The following KIT variants were observed in gnomAD, a reference collection of about 807,000 sequenced individuals.
KIT encodes mast/stem cell growth factor receptor Kit.
Under a neutral mutation model 105.7 loss-of-function variants are expected in KIT, and 16 were observed. That is an observed-to-expected ratio of 0.15 (90% CI 0.10 to 0.23). The LOEUF is 0.23. Among genes scored for constraint, KIT ranks in the 10% least tolerant of loss-of-function variants. The probability of loss-of-function intolerance (pLI) is 1.00; values close to 1 mark genes in which losing one functional copy is unlikely to be tolerated. For synonymous variants in KIT, 438 were observed against 441.1 expected (o/e 0.99, Z 0.09); for missense variants, 858 against 1,213.8 (o/e 0.71, Z 4.36).
At chr4:54,658,156 A>T in intron 1 of KIT, 75 bp downstream of exon 1, 1 of 1,444,416 alleles carries the variant, frequency 6.9e-7, no homozygotes, top group South Asian at 1.1e-5. Context: ...GGTACCCGCC[A>T]GGGTGCATCC....
Position 54,682,855 on chromosome 4 carries a change from G to A in KIT, c.68-12657G>A, listed in dbSNP as rs545356921. 4.6e-5 allele frequency among the ~76,000 whole-genome samples: 7 copies of A among 151,238 alleles called. No individual in the cohort carries two copies. The South Asian group carries it at 1.5e-3, about 32-fold the overall frequency. ...CAACCTCTGCCTCCCTGGTTCAAAC[G>A]ATTCTTGTGCCTCAGCCTCCTGAGT... is the stretch of plus-strand genomic sequence containing the variant. On this transcript the variant is annotated intron_variant, in intron 1 of 20. Transcript: ENST00000288135.
At chr4:54,728,268 C>A in intron 13 of KIT, 147 bp downstream of exon 13, 1 of 716,226 alleles carries the variant, frequency 1.4e-6, no homozygotes, top group Non-Finnish European at 2.5e-6. Flanking sequence ...TTTTGTTTTC[C>A]TCATTGTTCT....
At chr4:54,707,447 T>G (rs1720864191) in intron 6 of KIT, among the ~76,000 whole-genome samples, 160 bp downstream of exon 6, 1 of 152,184 alleles carries the variant, frequency 6.6e-6, no homozygotes, top group Admixed American at 6.5e-5. Context: ...TTCCATTTTG[T>G]TGTGTGTTTA....
At chr4:54,679,271 A>G (rs1340435117) in intron 1 of KIT, among the ~76,000 whole-genome samples, 2 of 151,982 alleles carry the variant, frequency 1.3e-5, no homozygotes, top group African/African-American at 4.8e-5. Flanking sequence ...GTTTCTACCA[A>G]CTCCAGAGAG....
chr4:54,658,097 T>C lies in KIT; in HGVS notation c.67+16T>C, dbSNP rs753439592. 2 of 1,613,290 alleles carry C rather than the reference T, an allele frequency of 1.2e-6. No individual in the cohort carries two copies. Among genetic ancestry groups the C allele is most frequent in the South Asian group, 1.1e-5 (1 of 91,072 alleles). ...GTCCAGACAGGTGGGACACCGCGGC[T>C]GGCACCCCGACCGTGCGACTACTCG... On this transcript the variant is annotated intron_variant, in intron 1 of 20. Coordinates refer to ENST00000288135, the MANE Select transcript of KIT (RefSeq NM_000222.3).
At chr4:54,678,208 G>GAAGCTTTT (rs1718622245) in intron 1 of KIT, among the ~76,000 whole-genome samples, 1 of 152,110 alleles carries the variant, frequency 6.6e-6, no homozygotes, top group African/African-American at 2.4e-5. Flanking sequence ...TTTGTGCTTT[G>GAAGCTTTT]ATAACCTATG....
rs143520969 is a variant in KIT, at chr4:54,679,927, G to A, written c.68-15585G>A. Among the ~76,000 whole-genome samples the A allele has an allele frequency of 1.3e-3, 198 of 152,320 alleles. 2 individuals carry two copies. The highest frequency in any genetic ancestry group is 4.6e-3 in the African/African-American group (191 of 41,574). ...AGCAAGAGACAAAAGGACAAATAGT[G>A]TGTGATTCCACTTATATGAGGTACC... is the stretch of plus-strand genomic sequence containing the variant. On this transcript the variant is annotated intron_variant, in intron 1 of 20. Transcript: ENST00000288135.
rs1480687968 is a variant in KIT at position 54,739,502 on chromosome 4, A to T, written c.*945A>T. On this transcript the variant is annotated 3_prime_UTR_variant, in exon 21 of 21. Coordinates refer to ENST00000288135, the MANE Select transcript of KIT (RefSeq NM_000222.3). ...TTCAGAATGGCATTGTACTCAATGG[A>T]TTTGATGCTGTTTGACAAAGTTACT... 6 of 233,398 alleles carry T rather than the reference A, an allele frequency of 2.6e-5. No homozygotes were observed. The highest frequency in any genetic ancestry group is 5.1e-5 in the Non-Finnish European group (6 of 117,910). 14.5% of individuals were successfully genotyped at this position (233,398 alleles called of 1,614,324 possible).
In KIT at chr4:54,695,695, C is replaced by A. The variant is rs201872586; in HGVS notation, c.251C>A (p.Thr84Lys). ...GAGAATAAGCAGAATGAATGGATCA[C>A]GGAAAAGGCAGAAGCCACCAACACC... ...TNENKQNEWI[T>K]EKAEATNTGK... The change falls in exon 2 of 21, where the codon ACG becomes AAG. Residue 84 changes from threonine to lysine, a missense_variant. Thr to Lys is a moderately conservative substitution (Grantham distance 78, BLOSUM62 -1). Transcript: ENST00000288135. 6.2e-7 allele frequency: 1 copy of A among 1,614,078 alleles called. No homozygotes were observed. The highest frequency in any genetic ancestry group is 8.5e-7 in the Non-Finnish European group (1 of 1,180,044).
rs367739763 is a variant in KIT at position 54,727,210 on chromosome 4, C to T, written c.1541-8C>T. 1.7e-5 allele frequency: 28 copies of T among 1,612,514 alleles called. No homozygotes were observed. In the African/African-American group the frequency reaches 3.5e-4, roughly 20 times the overall value. On this transcript the variant is annotated splice_polypyrimidine_tract_variant and splice_region_variant and intron_variant, in intron 9 of 20. Coordinates refer to ENST00000288135, the MANE Select transcript of KIT (RefSeq NM_000222.3). ...AGTTTGTGATTCCACATTTCTCTTC[C>T]ATTGTAGAGCAAATCCATCCCCACA...
At chr4:54,714,079 CT>C (rs1449985879) in intron 7 of KIT, among the ~76,000 whole-genome samples, 2 of 152,292 alleles carry the variant, frequency 1.3e-5, no homozygotes, top group East Asian at 3.9e-4. Context: ...CTCTAATTAA[CT>C]TTTGGAATTG....
chr4:54,663,813 C>A lies in KIT; in HGVS notation c.67+5732C>A, dbSNP rs897189639. Among the ~76,000 whole-genome samples the A allele has an allele frequency of 7.0e-4, 107 of 152,106 alleles. 1 individual carries two copies. The highest frequency in any genetic ancestry group is 2.5e-3 in the African/African-American group (105 of 41,408). The stretch of plus-strand genomic sequence containing the variant: ...GTCCATTGCCCCAGGCTAGACACAG[C>A]GGTTAGTGTTCAGTAAGTATTAGTT... On this transcript the variant is annotated intron_variant, in intron 1 of 20. Transcript: ENST00000288135.
At chr4:54,687,294 C>G (rs889571655) in intron 1 of KIT, among the ~76,000 whole-genome samples, 1 of 151,904 alleles carries the variant, frequency 6.6e-6, no homozygotes, top group Non-Finnish European at 1.5e-5. Flanking sequence ...AGAAATTAGC[C>G]GGGTATGGTT....
rs1720827630 is a variant in KIT at position 54,706,953 on chromosome 4, T to C, written c.926-145T>C. The C allele has an allele frequency of 4.9e-6, 3 of 606,152 alleles. No homozygotes were observed. The South Asian group carries it at 6.1e-5, about 12-fold the overall frequency. 37.5% of individuals were successfully genotyped at this position (606,152 alleles called of 1,614,324 possible). A position where few individuals can be genotyped will look rare whatever the true frequency, so the allele number is the denominator to read the frequency against. On this transcript the variant is annotated intron_variant, in intron 5 of 20. Transcript: ENST00000288135. ...GTGATTCTACAAGAGCAAAATAAAA[T>C]GAAAAACAGCTAGTTAAAATTCTCT... is the stretch of plus-strand genomic sequence containing the variant.
chr4:54,685,425 G>C (rs1444806201), intron 1 of KIT, among the ~76,000 whole-genome samples: 1 of 152,104 alleles, frequency 6.6e-6, no homozygotes. Flanking sequence ...TCACTGTCCA[G>C]GGCCAGCCCA....
intron 4 of KIT, among the ~76,000 whole-genome samples, chr4:54,701,061 C>T (rs1247653883): frequency 6.6e-6 from 1 of 152,196 alleles, no homozygotes; most frequent in Non-Finnish European, 1.5e-5. Flanking sequence ...CTCTGTATAA[C>T]TTGAACATTA....
chr4:54,678,229 C>G lies in KIT; in HGVS notation c.68-17283C>G, dbSNP rs80074752. ...CTTTGATAACCTATGTTGTCTGTTT[C>G]CTTCATCTTCATCAGCTGCCATTTT... On this transcript the variant is annotated intron_variant, in intron 1 of 20. Transcript: ENST00000288135. Among the ~76,000 whole-genome samples, 35 of 151,880 alleles carry G rather than the reference C, an allele frequency of 2.3e-4. No individual in the cohort carries two copies. The East Asian group carries it at 6.2e-3, about 27-fold the overall frequency.
chr4:54,700,662 ATTTTC>A (rs1720399340), intron 4 of KIT, among the ~76,000 whole-genome samples: 1 of 152,048 alleles, frequency 6.6e-6, no homozygotes, highest in South Asian at 2.1e-4. Context: ...GAAATATTAT[ATTTTC>A]TTTCTCCTCC....
At chr4:54,716,574 G>A (rs1324815135) in intron 7 of KIT, among the ~76,000 whole-genome samples, 3 of 151,904 alleles carry the variant, frequency 2.0e-5, no homozygotes, top group Admixed American at 6.6e-5. Flanking sequence ...TTTTGGTGCT[G>A]CACAACAAAA....
Sources: allele counts gnomAD v4.1 joint callset (sites outside exome capture counted in the v4.1 genomes callset), GRCh38; gene constraint gnomAD v4.1.1; transcripts MANE v1.5; gene names NCBI Gene and HGNC (gene_info 2026-07-23, HGNC 2026-07-21).